STAT4: variants seen among roughly 807,000 people sequenced by gnomAD.
STAT4 encodes signal transducer and activator of transcription 4.
Under a neutral mutation model 110.5 loss-of-function variants are expected in STAT4, and 42 were observed. The observed-to-expected ratio is 0.38, with a 90% CI of 0.30 to 0.49. STAT4 has a LOEUF of 0.49. STAT4 is among the 20% of genes least tolerant of loss of function. STAT4 has a pLI of 0.95. For missense variants in STAT4, 632 were observed against 887.9 expected, an observed-to-expected ratio of 0.71 and a Z score of 3.66; for synonymous variants, 284 against 302.2, an observed-to-expected ratio of 0.94 and a Z score of 0.63.
At position 191,146,420 on chromosome 2, in the gene STAT4, T is replaced by C. The variant is rs558014424; in HGVS notation, c.273+193A>G. Among the ~76,000 whole-genome samples the C allele has an allele frequency of 6.6e-6, 1 of 152,292 alleles. No homozygotes were observed. The highest frequency in any genetic ancestry group is 1.5e-5 in the Non-Finnish European group (1 of 68,024). ...TAATGTATTTTATACACTATACTTT[T>C]AGTGTATTTTATTTTCAACATTTCA... On this transcript the variant is annotated intron_variant, in intron 3 of 23. Coordinates refer to ENST00000392320, the MANE Select transcript of STAT4 (RefSeq NM_003151.4). The surrounding 1 kb of genome is among the most constrained non-coding windows in gnomAD (Gnocchi z 4.5).
chr2:191,032,966 G>A lies in STAT4; in HGVS notation c.2036C>T (p.Pro679Leu), dbSNP rs1277796577. 5.6e-6 allele frequency: 9 copies of A among 1,597,898 alleles called. No individual in the cohort carries two copies. Among genetic ancestry groups the A allele is most frequent in the Non-Finnish European group, 7.7e-6 (9 of 1,175,132 alleles). Residue 679 changes from proline (P) to leucine (L), a missense_variant, in exon 21 of 24, where the codon CCT becomes CTT. Transcript: ENST00000392320. This position sits in a 1 kb window ranked among gnomAD's most constrained non-coding sequence, Gnocchi z 4.9. ...AAACAGAAAAACCTAACCTTCGCAA[G>A]GCTGAGAGCTGTAGTGTTTACCGAA... Reference protein sequence around the residue: ...KAFGKHYSSQPCEVSRPTERG... With the variant: ...KAFGKHYSSQLCEVSRPTERG...
chr2:191,036,833 T>TA (rs1436557206), intron 16 of STAT4, among the ~76,000 whole-genome samples: 1 of 152,220 alleles, frequency 6.6e-6, no homozygotes, highest in Non-Finnish European at 1.5e-5. Context: ...CAGTAACAAT[T>TA]ACGCTTATGA....
intron 3 of STAT4, among the ~76,000 whole-genome samples, chr2:191,120,834 A>G (rs866499715): frequency 1.3e-5 from 2 of 152,196 alleles, no homozygotes; most frequent in Non-Finnish European, 2.9e-5. Flanking sequence ...GAAAACCTAC[A>G]CAATACCATT....
At chr2:191,102,031 T>A (rs1698161652) in intron 3 of STAT4, among the ~76,000 whole-genome samples, 2 of 150,640 alleles carry the variant, frequency 1.3e-5, no homozygotes, top group Admixed American at 1.3e-4. Flanking sequence ...TTTGAACTCC[T>A]CTAATACCTC....
intron 5 of STAT4, 83 bp from the exon 6 acceptor site, chr2:191,069,854 T>G: frequency 9.4e-7 from 1 of 1,069,024 alleles, no homozygotes; most frequent in Non-Finnish European, 1.4e-6. Context: ...TTTAAAAAAC[T>G]GCTTGGTGCT....
Position 191,039,108 on chromosome 2 carries a change from C to G in STAT4, c.1434+91G>C. ...AAAGCAACTCTCACCCCACACCCCA[C>G]TGGCACACACATGTTTTGATGCAGA... is the stretch of plus-strand genomic sequence containing the variant. On this transcript the variant is annotated intron_variant, in intron 16 of 23. Coordinates refer to ENST00000392320, the MANE Select transcript of STAT4 (RefSeq NM_003151.4). The surrounding 1 kb of genome is among the most constrained non-coding windows in gnomAD (Gnocchi z 4.7). 2 of 1,144,058 alleles carry G rather than the reference C, an allele frequency of 1.7e-6. No individual in the cohort carries two copies. The highest frequency in any genetic ancestry group is 1.3e-5 in the South Asian group (1 of 79,576). The allele number at this position is 1,144,058 out of a possible 1,614,324, so 70.9% of individuals were successfully genotyped here.
chr2:191,085,053 C>T (rs1312582984), intron 3 of STAT4, among the ~76,000 whole-genome samples: 2 of 148,848 alleles, frequency 1.3e-5, no homozygotes, highest in Non-Finnish European at 3.0e-5. Context: ...GAGTAAACTA[C>T]CAAAAAAAAA....
intron 3 of STAT4, among the ~76,000 whole-genome samples, chr2:191,126,176 GC>G (rs1698874139): frequency 6.6e-6 from 1 of 151,958 alleles, no homozygotes; most frequent in Non-Finnish European, 1.5e-5. Context: ...CCATTTTTAT[GC>G]TTTTGCTTAT....
In STAT4 at chr2:191,058,772, G is replaced by A. The variant is rs746361437; in HGVS notation, c.1035-3C>T. 6 of 1,550,778 alleles carry A rather than the reference G, an allele frequency of 3.9e-6. No homozygotes were observed. Among genetic ancestry groups the A allele is most frequent in the Non-Finnish European group, 3.5e-6 (4 of 1,135,028 alleles). On this transcript the variant is annotated splice_region_variant and splice_polypyrimidine_tract_variant and intron_variant, in intron 10 of 23. Coordinates refer to ENST00000392320, the MANE Select transcript of STAT4 (RefSeq NM_003151.4). This position sits in a 1 kb window ranked among gnomAD's most constrained non-coding sequence, Gnocchi z 4.3. ...GTTCTGGCAATTTTATTAGTAGCCT[G>A]GAAAGAGATATCAATAAAAAAAATC...
intron 14 of STAT4, among the ~76,000 whole-genome samples, chr2:191,047,570 T>A (rs1016761919): frequency 6.6e-6 from 1 of 152,194 alleles, no homozygotes; most frequent in Non-Finnish European, 1.5e-5. Context: ...CATATTTAGG[T>A]GACCAGAAGG....
intron 3 of STAT4, among the ~76,000 whole-genome samples, chr2:191,096,200 G>A (rs944147093): frequency 3.3e-5 from 5 of 152,170 alleles, no homozygotes; most frequent in Non-Finnish European, 7.3e-5. Context: ...ACAAAGAGGA[G>A]CTGGTACCAT....
In STAT4 at chr2:191,140,483, G is replaced by A. The variant is rs1362349085; in HGVS notation, c.273+6130C>T. ...AAGAAGATATACAGTCAACAAACAT[G>A]TAAAAATGCTCAACATCACTAATTG... On this transcript the variant is annotated intron_variant, in intron 3 of 23. Transcript: ENST00000392320. This position sits in a 1 kb window ranked among gnomAD's most constrained non-coding sequence, Gnocchi z 4.4. Among the ~76,000 whole-genome samples, 2 of 152,110 alleles carry A rather than the reference G, an allele frequency of 1.3e-5. No individual in the cohort carries two copies.
chr2:191,121,149 C>A (rs1355829704), intron 3 of STAT4, among the ~76,000 whole-genome samples: 1 of 152,214 alleles, frequency 6.6e-6, no homozygotes, highest in Non-Finnish European at 1.5e-5. Context: ...GACATTTATG[C>A]AGCCAACAGA....
intron 4 of STAT4, among the ~76,000 whole-genome samples, chr2:191,073,752 A>G (rs903808265): frequency 2.0e-5 from 3 of 152,166 alleles, no homozygotes; most frequent in African/African-American, 7.2e-5. Context: ...TATGATCTCT[A>G]TTGCTTGAAC....
At chr2:191,068,005 A>G (rs1240028760) in intron 6 of STAT4, 2 of 152,210 alleles carry the variant, frequency 1.3e-5, no homozygotes, top group African/African-American at 2.4e-5. Context: ...GATCCCATAC[A>G]TAGCAAAATC....
At chr2:191,105,712 A>G (rs900203114) in intron 3 of STAT4, among the ~76,000 whole-genome samples, 1 of 152,238 alleles carries the variant, frequency 6.6e-6, no homozygotes, top group African/African-American at 2.4e-5. Flanking sequence ...CGTAGTTTTC[A>G]CTTAATGTAT....
rs1368616872 is a variant in STAT4, at chr2:191,135,785, C to A, written c.273+10828G>T. 6.6e-6 allele frequency among the ~76,000 whole-genome samples: 1 copy of A among 152,066 alleles called. No homozygotes were observed. Among genetic ancestry groups the A allele is most frequent in the African/African-American group, 2.4e-5 (1 of 41,406 alleles). ...CTTGACCTTTACTGCCAAATTCTAT[C>A]AAACTTTCATAGAAGAACTAACACC... On this transcript the variant is annotated intron_variant, in intron 3 of 23. Coordinates refer to ENST00000392320, the MANE Select transcript of STAT4 (RefSeq NM_003151.4). This position sits in a 1 kb window ranked among gnomAD's most constrained non-coding sequence, Gnocchi z 4.8.
intron 14 of STAT4, among the ~76,000 whole-genome samples, chr2:191,049,338 G>A (rs2125189730): frequency 6.6e-6 from 1 of 151,906 alleles, no homozygotes; most frequent in South Asian, 2.1e-4. Context: ...ACCACTCCTG[G>A]CTAATTTTTT....
intron 16 of STAT4, 51 bp from the exon 17 acceptor site, chr2:191,036,350 T>G (rs377180694): frequency 1.3e-6 from 2 of 1,595,452 alleles, no homozygotes; most frequent in Non-Finnish European, 1.7e-6. Context: ...AGTGGGTAGC[T>G]AGTGAGGTGT....
Sources: gnomAD v4.1 joint callset for allele counts (sites outside exome capture counted in the v4.1 genomes callset) on GRCh38, gnomAD v4.1.1 for gene constraint, Gnocchi (gnomAD v3.1) non-coding constraint, MANE v1.5 for transcripts, NCBI Gene and HGNC (gene_info 2026-07-23, HGNC 2026-07-21) for gene names.